Variants in CWH43 observed in about 807,000 individuals in gnomAD.
CWH43 encodes the protein cell wall biogenesis 43 C-terminal homolog, also known as PGAP2-interacting protein.
In CWH43, 91 loss-of-function variants were observed where a neutral mutation model predicts 85.7. The observed-to-expected ratio is 1.06, with a 90% CI of 0.90 to 1.26. The LOEUF (loss-of-function observed/expected upper bound fraction) is 1.26, where lower values mean the gene tolerates loss of function less well. Among genes scored for constraint, CWH43 ranks in the 50% most tolerant of loss-of-function variants. The probability of loss-of-function intolerance (pLI) is 0.00; values close to 1 mark genes in which losing one functional copy is unlikely to be tolerated. For missense variants in CWH43, 869 were observed against 839.2 expected (o/e 1.04, Z -0.44); for synonymous variants, 323 against 293.6 (o/e 1.10, Z -1.02).
At chr4:49,048,307 A>G (rs1194677329) in intron 14 of CWH43, among the ~76,000 whole-genome samples, 1 of 148,204 alleles carries the variant, frequency 6.7e-6, no homozygotes. Context: ...CTGTGTGTGT[A>G]TATATATATA....
At chr4:49,018,071 C>G (rs1474918349) in intron 9 of CWH43, among the ~76,000 whole-genome samples, 1 of 151,988 alleles carries the variant, frequency 6.6e-6, no homozygotes, top group South Asian at 2.1e-4. Flanking sequence ...ATTTCCTGAC[C>G]TTGTGATCCG....
intron 9 of CWH43, among the ~76,000 whole-genome samples, chr4:49,024,028 T>A (rs1333235222): frequency 6.6e-6 from 1 of 152,204 alleles, no homozygotes; most frequent in Non-Finnish European, 1.5e-5. Flanking sequence ...GGGGTTCCAG[T>A]GTTAGGTGCA....
chr4:49,060,351 G>A (rs566719716), intron 15 of CWH43, among the ~76,000 whole-genome samples: 72 of 152,176 alleles, frequency 4.7e-4, no homozygotes, highest in African/African-American at 1.4e-3. Context: ...GGGCTTTTGG[G>A]GGTGGCCCGA....
intron 15 of CWH43, among the ~76,000 whole-genome samples, chr4:49,059,587 G>A (rs55688634): frequency 0.38 from 57,085 of 152,034 alleles, 12,520 homozygotes; most frequent in East Asian, 0.61. Context: ...TTACAGATTG[G>A]CTTGGCAGGG....
intron 15 of CWH43, among the ~76,000 whole-genome samples, chr4:49,051,938 C>G (rs1417821874): frequency 1.3e-5 from 2 of 152,108 alleles, no homozygotes; most frequent in Non-Finnish European, 2.9e-5. Flanking sequence ...AGTATGTGCT[C>G]TTTTCTCTCC....
At chr4:49,000,617 C>T (rs1024207083) in intron 6 of CWH43, among the ~76,000 whole-genome samples, 25 of 152,118 alleles carry the variant, frequency 1.6e-4, no homozygotes, top group Admixed American at 1.6e-3. Flanking sequence ...TTATATCATG[C>T]CTTTTCACAT....
intron 9 of CWH43, among the ~76,000 whole-genome samples, chr4:49,019,763 A>G (rs765616786): frequency 7.9e-5 from 12 of 152,022 alleles, no homozygotes; most frequent in Non-Finnish European, 5.9e-5. Flanking sequence ...TATTTTTAGC[A>G]GAGACAGGAT....
chr4:49,017,104 C>T (rs2109783775), intron 8 of CWH43, 145 bp from the exon 9 acceptor site: 1 of 754,106 alleles, frequency 1.3e-6, no homozygotes, highest in Admixed American at 2.0e-5. Context: ...ACTCTTCTTC[C>T]ACCCATTCAT....
At chr4:49,038,973 G>T (rs1171507237) in intron 13 of CWH43, among the ~76,000 whole-genome samples, 1 of 151,522 alleles carries the variant, frequency 6.6e-6, no homozygotes, top group Non-Finnish European at 1.5e-5. Context: ...CAGGAGAATG[G>T]CAGGAATCTG....
chr4:49,028,887 G>A (rs1784004094), intron 10 of CWH43, among the ~76,000 whole-genome samples, 153 bp downstream of exon 10: 1 of 152,132 alleles, frequency 6.6e-6, no homozygotes, highest in Non-Finnish European at 1.5e-5. Flanking sequence ...GCTTTACTTT[G>A]GCACGCAGCT....
chr4:49,060,011 GC>G, intron 15 of CWH43, among the ~76,000 whole-genome samples: 3 of 152,234 alleles, frequency 2.0e-5, no homozygotes, highest in Admixed American at 2.0e-4. Context: ...TGTCCTATGG[GC>G]CTGTACTCTG....
At chr4:49,013,818 G>A (rs186275899) in intron 8 of CWH43, among the ~76,000 whole-genome samples, 110 of 152,210 alleles carry the variant, frequency 7.2e-4, no homozygotes, top group African/African-American at 2.3e-3. Flanking sequence ...GGGAGATTAT[G>A]TTAATGTTTG....
In CWH43 at chr4:48,991,438, C is replaced by A. The variant is rs1369466705; in HGVS notation, c.236-16C>A. The stretch of plus-strand genomic sequence containing the variant: ...TACTTGCCAGAAATGCTTAGCTCTC[C>A]CTATTTTGTTTGTAGGCAGCATAGC... On this transcript the variant is annotated splice_polypyrimidine_tract_variant and intron_variant, in intron 2 of 15. Coordinates refer to ENST00000226432, the MANE Select transcript of CWH43 (RefSeq NM_025087.3). The A allele has an allele frequency of 6.2e-7, 1 of 1,613,486 alleles. No homozygotes were observed. Among genetic ancestry groups the A allele is most frequent in the Admixed American group, 1.7e-5 (1 of 59,906 alleles).
chr4:48,988,549 T>C lies in CWH43; in HGVS notation c.116T>C (p.Leu39Pro). Reference sequence around the variant, plus strand: ...TACTTTCCTTTGCAAACACTAGAACTCACTGGGCTTGAAGGTTTTAGTATA... The same window carrying C: ...TACTTTCCTTTGCAAACACTAGAACCCACTGGGCTTGAAGGTTTTAGTATA... ...IYYFPLQTLE[L>P]TGLEGFSIAF... The change falls in exon 2 of 16, where the codon CTC (leucine) becomes CCC (proline). Residue 39 changes from leucine (L) to proline (P), a missense_variant. By Grantham distance (98) the Leu-to-Pro change is moderately conservative (BLOSUM62 -3). Around this residue, in one of 3 missense-constraint regions of CWH43, gnomAD observed 140 missense variants for 122.6 expected, o/e 1.14. Transcript: ENST00000226432. 1 of 1,613,478 alleles carries C rather than the reference T, an allele frequency of 6.2e-7. No homozygotes were observed. The highest frequency in any genetic ancestry group is 1.1e-5 in the South Asian group (1 of 91,046).
chr4:49,006,938 G>A (rs1411049478), intron 7 of CWH43, among the ~76,000 whole-genome samples: 1 of 152,132 alleles, frequency 6.6e-6, no homozygotes, highest in Non-Finnish European at 1.5e-5. Context: ...TAACAACTAG[G>A]AAATACTCAA....
chr4:49,052,034 G>A (rs1784815522), intron 15 of CWH43, among the ~76,000 whole-genome samples: 4 of 152,024 alleles, frequency 2.6e-5, no homozygotes, highest in South Asian at 2.1e-4. Flanking sequence ...CATTTCTACC[G>A]CTTTTACCAG....
At chr4:49,022,581 TCC>T (rs1783785888) in intron 9 of CWH43, among the ~76,000 whole-genome samples, 1 of 152,184 alleles carries the variant, frequency 6.6e-6, no homozygotes, top group Non-Finnish European at 1.5e-5. Context: ...TTAGAAAGGA[TCC>T]CCTCTTTCTC....
intron 6 of CWH43, among the ~76,000 whole-genome samples, chr4:48,999,789 G>A (rs1461483662): frequency 5.3e-5 from 8 of 152,120 alleles, no homozygotes; most frequent in Non-Finnish European, 1.0e-4. Flanking sequence ...ACATGTAACA[G>A]GGGAGCTCCC....
intron 1 of CWH43, 132 bp from the exon 2 acceptor site, chr4:48,988,345 C>G: frequency 1.7e-6 from 1 of 605,700 alleles, no homozygotes; most frequent in Non-Finnish European, 2.7e-6. Context: ...GTGGAGACAA[C>G]TGGAACCCAG....
Sources: gnomAD v4.1 joint callset for allele counts (sites outside exome capture counted in the v4.1 genomes callset) on GRCh38, gnomAD v4.1.1 for gene constraint, gnomAD v4.1.1 regional missense constraint, MANE v1.5 for transcripts, NCBI Gene and HGNC (gene_info 2026-07-23, HGNC 2026-07-21) for gene names.